The following GTF2IRD2B variants were observed in gnomAD, a reference collection of about 807,000 sequenced individuals.
GTF2IRD2B encodes general transcription factor II-I repeat domain-containing protein 2B.
In GTF2IRD2B, 10 loss-of-function variants were observed where a neutral mutation model predicts 55.6. That is an observed-to-expected ratio of 0.18 (90% CI 0.11 to 0.31). GTF2IRD2B has a LOEUF of 0.31. Among genes scored for constraint, GTF2IRD2B ranks in the 10% least tolerant of loss-of-function variants. The pLI is 1.00. For synonymous variants in GTF2IRD2B, 107 were observed against 320.5 expected (o/e 0.33, Z 7.12); for missense variants, 206 against 802.7 (o/e 0.26, Z 8.98).
At chr7:75,105,848 G>A (rs1478519893) in intron 1 of GTF2IRD2B, among the ~76,000 whole-genome samples, 649 of 152,118 alleles carry the variant, frequency 4.3e-3, no homozygotes, top group African/African-American at 0.015. Context: ...TCTGTTATGC[G>A]TTGGCTGTGA....
At chr7:75,107,435 C>T (rs1202275690) in intron 1 of GTF2IRD2B, among the ~76,000 whole-genome samples, 2 of 145,250 alleles carry the variant, frequency 1.4e-5, no homozygotes, top group African/African-American at 2.5e-5. Flanking sequence ...ATTAGCCAGG[C>T]GTGGTGGCAG....
At chr7:75,102,651 TCTGA>T (rs1293645932) in intron 1 of GTF2IRD2B, among the ~76,000 whole-genome samples, 1 of 150,884 alleles carries the variant, frequency 6.6e-6, no homozygotes. Context: ...ATTGTGAGAC[TCTGA>T]CTCTTAGAAA....
intron 3 of GTF2IRD2B, among the ~76,000 whole-genome samples, chr7:75,116,857 A>G (rs1808176406): frequency 6.6e-6 from 1 of 150,974 alleles, no homozygotes; most frequent in Non-Finnish European, 1.5e-5. Flanking sequence ...ATTGGCCAGC[A>G]TAGTCTCAAA....
At chr7:75,132,548 C>CT (rs1159887977) in intron 8 of GTF2IRD2B, among the ~76,000 whole-genome samples, 4,085 of 86,010 alleles carry the variant, frequency 0.047, 58 homozygotes, top group Middle Eastern at 0.082. Context: ...CTCCTTCCTT[C>CT]TTTTTTTTTT....
chr7:75,096,747 G>T (rs1412742669), intron 1 of GTF2IRD2B, among the ~76,000 whole-genome samples: 1 of 150,978 alleles, frequency 6.6e-6, no homozygotes, highest in Non-Finnish European at 1.5e-5. Flanking sequence ...TTTTTACATC[G>T]CAGGTGATCA....
intron 1 of GTF2IRD2B, among the ~76,000 whole-genome samples, chr7:75,102,951 T>C (rs1206908023): frequency 7.4e-6 from 1 of 135,956 alleles, no homozygotes. Context: ...AGAGTGAGAC[T>C]CCATGTCAAA....
At chr7:75,103,499 A>G (rs1272649399) in intron 1 of GTF2IRD2B, among the ~76,000 whole-genome samples, 1 of 149,990 alleles carries the variant, frequency 6.7e-6, no homozygotes, top group African/African-American at 2.4e-5. Flanking sequence ...TTCTGGGAAG[A>G]GGAGAGAAGA....
intron 3 of GTF2IRD2B, 40 bp downstream of exon 3, chr7:75,112,575 AAAGGATCGC>A (rs1554450879): frequency 1.1e-6 from 1 of 908,660 alleles, no homozygotes; most frequent in Middle Eastern, 3.3e-4. Context: ...CCCAATCTCA[AAAGGATCGC>A]AGGCAAGACT....
intron 4 of GTF2IRD2B, among the ~76,000 whole-genome samples, 179 bp from the exon 5 acceptor site, chr7:75,122,957 G>T (rs1808428166): frequency 6.6e-6 from 1 of 150,530 alleles, no homozygotes; most frequent in African/African-American, 2.4e-5. Context: ...GGCTGAGGCA[G>T]GAGAATTGTT....
intron 6 of GTF2IRD2B, among the ~76,000 whole-genome samples, chr7:75,124,069 C>G (rs1554452289): frequency 1.3e-5 from 2 of 150,954 alleles, no homozygotes; most frequent in African/African-American, 2.4e-5. Context: ...ACATTTGTAG[C>G]TATTAAAAAA....
At chr7:75,132,307 C>T (rs587722422) in intron 8 of GTF2IRD2B, among the ~76,000 whole-genome samples, 31 of 123,638 alleles carry the variant, frequency 2.5e-4, no homozygotes, top group Admixed American at 2.2e-3. Flanking sequence ...TGCAGTGAGC[C>T]GAGATCATGC....
At chr7:75,147,252 G>A (rs1300905239) in intron 15 of GTF2IRD2B, among the ~76,000 whole-genome samples, 1 of 151,720 alleles carries the variant, frequency 6.6e-6, no homozygotes, top group Non-Finnish European at 1.5e-5. Context: ...GGACAACATG[G>A]TGAAATCTCA....
chr7:75,099,867 C>T lies in GTF2IRD2B; in HGVS notation c.-6+7102C>T, dbSNP rs1356633237. Among the ~76,000 whole-genome samples the T allele has an allele frequency of 1.2e-4, 16 of 133,984 alleles. 5 individuals carry two copies. The highest frequency in any genetic ancestry group is 4.5e-4 in the African/African-American group (16 of 35,646). The allele number at this position is 133,984 out of a possible 152,430, so 87.9% of individuals were successfully genotyped here. A position where few individuals can be genotyped will look rare whatever the true frequency, so the allele number is the denominator to read the frequency against. On this transcript the variant is annotated intron_variant, in intron 1 of 15. Transcript: ENST00000472837. ...GTAGATCATGCCTGTAATCCCAGCA[C>T]TTTGGGAGGCTGAGGCAGGTGGATC...
intron 9 of GTF2IRD2B, among the ~76,000 whole-genome samples, chr7:75,134,080 C>CAAA (rs58338069): frequency 4.4e-5 from 4 of 90,896 alleles, no homozygotes; most frequent in Admixed American, 1.1e-4. Context: ...AGGATTCTTC[C>CAAA]AAAAAAAAAA....
At chr7:75,134,814 G>A (rs2938660) in intron 9 of GTF2IRD2B, among the ~76,000 whole-genome samples, 187 bp from the exon 10 acceptor site, 1 of 147,076 alleles carries the variant, frequency 6.8e-6, no homozygotes, top group Non-Finnish European at 1.5e-5. Context: ...TGATCTGCCC[G>A]CCTCCACCTC....
intron 1 of GTF2IRD2B, among the ~76,000 whole-genome samples, chr7:75,101,340 T>C (rs1554449520): frequency 6.6e-6 from 1 of 150,962 alleles, no homozygotes; most frequent in African/African-American, 2.4e-5. Context: ...GAGGCTGAGG[T>C]GGAAGGATTG....
At chr7:75,103,321 T>C (rs1554449758) in intron 1 of GTF2IRD2B, among the ~76,000 whole-genome samples, 1 of 151,440 alleles carries the variant, frequency 6.6e-6, no homozygotes, top group East Asian at 1.9e-4. Context: ...GTTGATTTAG[T>C]ATCTTCTTCA....
chr7:75,106,017 A>T (rs587773133), intron 1 of GTF2IRD2B, among the ~76,000 whole-genome samples: 298 of 152,294 alleles, frequency 2.0e-3, no homozygotes, highest in Non-Finnish European at 3.0e-3. Flanking sequence ...ACCACATTCA[A>T]GTGGGCAAGA....
chr7:75,127,134 C>G (rs1195755539), intron 8 of GTF2IRD2B, among the ~76,000 whole-genome samples: 8 of 150,934 alleles, frequency 5.3e-5, no homozygotes, highest in South Asian at 4.2e-4. Flanking sequence ...GTGAATTAAC[C>G]TCAGTGGAGC....
Sources: gnomAD v4.1 joint callset for allele counts (sites outside exome capture counted in the v4.1 genomes callset) on GRCh38, gnomAD v4.1.1 for gene constraint, MANE v1.5 for transcripts, NCBI Gene and HGNC (gene_info 2026-07-23, HGNC 2026-07-21) for gene names.